Variants in CFAP43 observed in about 807,000 individuals in gnomAD.
CFAP43 encodes cilia and flagella associated protein 43.
CFAP43 carries 155 observed loss-of-function variants against 218.9 expected under a neutral mutation model. That is an observed-to-expected ratio of 0.71 (90% CI 0.62 to 0.81). CFAP43 has a LOEUF of 0.81. Ranked by LOEUF, CFAP43 falls within the 30% of genes least tolerant of loss-of-function variation. The pLI is 0.00. For missense variants in CFAP43, 1,778 were observed against 1,954.3 expected, an observed-to-expected ratio of 0.91 and a Z score of 1.70; for synonymous variants, 645 against 681.3, an observed-to-expected ratio of 0.95 and a Z score of 0.83.
chr10:104,189,087 C>T (rs2090126131), intron 12 of CFAP43, among the ~76,000 whole-genome samples: 1 of 152,164 alleles, frequency 6.6e-6, no homozygotes, highest in Non-Finnish European at 1.5e-5. Flanking sequence ...GAGACTCACA[C>T]TTTCCCCTTG....
intron 31 of CFAP43, among the ~76,000 whole-genome samples, chr10:104,143,886 A>G (rs545332869): frequency 1.2e-4 from 18 of 152,330 alleles, no homozygotes; most frequent in African/African-American, 4.3e-4. Context: ...ACTGACAGAC[A>G]ATTGTGTCTG....
At chr10:104,190,550 C>T (rs1010177780) in intron 12 of CFAP43, among the ~76,000 whole-genome samples, 4 of 152,178 alleles carry the variant, frequency 2.6e-5, no homozygotes, top group African/African-American at 9.7e-5. Flanking sequence ...AACTACATAT[C>T]CCGATTTCCA....
Position 104,230,862 on chromosome 10 carries a change from C to A in CFAP43, c.66-19G>T. ...CACCCATCTTTGGGAAAAGATATGT[C>A]AACATCAATATAATACATTTCAAAT... On this transcript the variant is annotated intron_variant, in intron 1 of 37. Transcript: ENST00000357060. 1.3e-6 allele frequency: 2 copies of A among 1,591,030 alleles called. No individual in the cohort carries two copies. The highest frequency in any genetic ancestry group is 2.3e-5 in the South Asian group (2 of 86,770).
At chr10:104,170,771 G>A (rs1589695039) in intron 20 of CFAP43, among the ~76,000 whole-genome samples, 2 of 151,960 alleles carry the variant, frequency 1.3e-5, no homozygotes, top group South Asian at 4.1e-4. Flanking sequence ...ATAAGAAAAT[G>A]GGATTTTTTT....
intron 3 of CFAP43, among the ~76,000 whole-genome samples, chr10:104,221,056 A>T (rs563223265): frequency 2.6e-5 from 4 of 151,100 alleles, no homozygotes; most frequent in African/African-American, 9.8e-5. Flanking sequence ...GCTCACTGCA[A>T]CCTCTGCTTC....
Position 104,202,044 on chromosome 10 carries a change from T to C in CFAP43, c.1095+1628A>G, listed in dbSNP as rs138486355. Among the ~76,000 whole-genome samples, 409 of 152,354 alleles carry C rather than the reference T, an allele frequency of 2.7e-3. 1 individual carries two copies. The highest frequency in any genetic ancestry group is 8.9e-3 in the African/African-American group (371 of 41,578). ...TAGGCTTTGCAAACCATGTAGTCTC[T>C]GCCACAACTATTTAATGCTGCCATA... On this transcript the variant is annotated intron_variant, in intron 8 of 37. Transcript: ENST00000357060.
chr10:104,161,437 G>A (rs2088866568), intron 26 of CFAP43, among the ~76,000 whole-genome samples: 1 of 152,144 alleles, frequency 6.6e-6, no homozygotes, highest in South Asian at 2.1e-4. Flanking sequence ...AACTACCCCT[G>A]AGCCCCAGGA....
chr10:104,179,822 C>G lies in CFAP43; in HGVS notation c.2382+18G>C, dbSNP rs1285442494. On this transcript the variant is annotated intron_variant, in intron 18 of 37. Coordinates refer to ENST00000357060, the MANE Select transcript of CFAP43 (RefSeq NM_025145.7). ...CTACAGAGCACTATTTCAAACCTAC[C>G]CCATGTTTCACAAATACCTCTTGGC... 1 of 1,591,860 alleles carries G rather than the reference C, an allele frequency of 6.3e-7. No individual in the cohort carries two copies. Among genetic ancestry groups the G allele is most frequent in the Non-Finnish European group, 8.6e-7 (1 of 1,161,220 alleles).
chr10:104,196,236 G>T (rs976261611), intron 10 of CFAP43, among the ~76,000 whole-genome samples: 2 of 152,198 alleles, frequency 1.3e-5, no homozygotes. Flanking sequence ...AGGCACACAT[G>T]AGGCCAGACA....
chr10:104,182,040 C>T (rs1031764778), intron 17 of CFAP43, among the ~76,000 whole-genome samples: 1 of 152,146 alleles, frequency 6.6e-6, no homozygotes, highest in African/African-American at 2.4e-5. Context: ...TTTAGCTAGA[C>T]ACTTCCTAAA....
At chr10:104,148,083 G>A in intron 28 of CFAP43, 85 bp from the exon 29 acceptor site, 1 of 678,550 alleles carries the variant, frequency 1.5e-6, no homozygotes, top group Middle Eastern at 3.9e-4. Context: ...AATCAAGCAA[G>A]TTTATGACAT....
intron 27 of CFAP43, among the ~76,000 whole-genome samples, chr10:104,153,168 T>C (rs1195140260): frequency 1.3e-5 from 2 of 152,206 alleles, no homozygotes; most frequent in African/African-American, 4.8e-5. Context: ...TATATGTATA[T>C]TTATATATTT....
At chr10:104,164,837 C>T (rs1398157512) in intron 23 of CFAP43, among the ~76,000 whole-genome samples, 1 of 152,208 alleles carries the variant, frequency 6.6e-6, no homozygotes, top group East Asian at 1.9e-4. Context: ...TAGACTATAA[C>T]CTACTTCCTG....
chr10:104,159,220 G>C (rs901937782), intron 27 of CFAP43, among the ~76,000 whole-genome samples: 3 of 151,806 alleles, frequency 2.0e-5, no homozygotes, highest in Non-Finnish European at 4.4e-5. Context: ...AGATTTTTTT[G>C]AGTTTTGCAG....
chr10:104,156,743 T>G (rs1239946065), intron 27 of CFAP43, among the ~76,000 whole-genome samples: 6 of 152,192 alleles, frequency 3.9e-5, no homozygotes, highest in Non-Finnish European at 1.5e-5. Context: ...TAAAAGGTTT[T>G]GTACATAACT....
chr10:104,157,773 TGTGAGAGAGAGAGAGAGAGAGAGA>T (rs1238462542), intron 27 of CFAP43, among the ~76,000 whole-genome samples: 2 of 98,110 alleles, frequency 2.0e-5, no homozygotes, highest in African/African-American at 8.6e-5. Context: ...TGTGTGTGTG[TGTGAGAGAGAGAGAGAGAGAGAGA>T]GAGAGAGAGA....
intron 4 of CFAP43, among the ~76,000 whole-genome samples, chr10:104,212,993 G>C (rs189727214): frequency 6.6e-6 from 1 of 152,302 alleles, no homozygotes; most frequent in East Asian, 1.9e-4. Context: ...TCAGTATTCA[G>C]AACTTGAGTA....
At chr10:104,226,766 T>G (rs111838215) in intron 2 of CFAP43, among the ~76,000 whole-genome samples, 1,761 of 152,198 alleles carry the variant, frequency 0.012, 26 homozygotes, top group African/African-American at 0.036. Flanking sequence ...ACACCTGAAA[T>G]CCCAGCACTT....
intron 19 of CFAP43, among the ~76,000 whole-genome samples, chr10:104,178,325 G>A (rs992125825): frequency 6.6e-6 from 1 of 152,160 alleles, no homozygotes; most frequent in South Asian, 2.1e-4. Flanking sequence ...GAATTTGTTA[G>A]CATTTTGAGT....
Sources: allele counts gnomAD v4.1 joint callset (sites outside exome capture counted in the v4.1 genomes callset), GRCh38; gene constraint gnomAD v4.1.1; transcripts MANE v1.5; gene names NCBI Gene and HGNC (gene_info 2026-07-23, HGNC 2026-07-21).